DLC1: variants seen among roughly 807,000 people sequenced by gnomAD.
The protein encoded by DLC1 is DLC1 Rho GTPase activating protein.
Under a neutral mutation model 140.3 loss-of-function variants are expected in DLC1, and 54 were observed. The ratio of observed to expected loss-of-function variants is 0.38; its 90% CI spans 0.31 to 0.48. The LOEUF (loss-of-function observed/expected upper bound fraction) is 0.48, where lower values mean the gene tolerates loss of function less well. Ranked by LOEUF, DLC1 falls within the 20% of genes least tolerant of loss-of-function variation. The pLI, the probability that DLC1 is intolerant of heterozygous loss-of-function variation, is 0.96. For missense variants in DLC1, 2,536 were observed against 1,907.0 expected, an observed-to-expected ratio of 1.33 and a Z score of -6.14; for synonymous variants, 986 against 728.1, an observed-to-expected ratio of 1.35 and a Z score of -5.70.
chr8:13,537,431 G>T (rs146131191), intron 1 of DLC1, among the ~76,000 whole-genome samples: 15 of 152,218 alleles, frequency 9.9e-5, no homozygotes, highest in African/African-American at 3.6e-4. Context: ...TGTCTGAAAT[G>T]CAGCTGAGAA....
chr8:13,257,715 AAAG>A (rs1475919189), intron 5 of DLC1, among the ~76,000 whole-genome samples: 1 of 80,230 alleles, frequency 1.2e-5, no homozygotes, highest in Admixed American at 1.2e-4. Context: ...CAACTACGGA[AAAG>A]AAGAAAAAAA....
intron 5 of DLC1, among the ~76,000 whole-genome samples, chr8:13,177,758 G>C (rs1054134553): frequency 1.3e-5 from 2 of 152,074 alleles, no homozygotes; most frequent in African/African-American, 2.4e-5. Context: ...TTGGTTCTTG[G>C]ACAGAGAATC....
chr8:13,172,385 G>T (rs566714366), intron 5 of DLC1, among the ~76,000 whole-genome samples: 1 of 152,278 alleles, frequency 6.6e-6, no homozygotes, highest in South Asian at 2.1e-4. Flanking sequence ...TAGTGCTGGG[G>T]ATTTTACACT....
chr8:13,345,720 G>C (rs1293076404), intron 4 of DLC1, among the ~76,000 whole-genome samples: 2 of 151,588 alleles, frequency 1.3e-5, no homozygotes, highest in Non-Finnish European at 2.9e-5. Flanking sequence ...ACCACGCCTG[G>C]CTCATTTTTT....
chr8:13,602,745 A>C (rs1805930993), intron 1 of DLC1, among the ~76,000 whole-genome samples: 1 of 151,890 alleles, frequency 6.6e-6, no homozygotes, highest in African/African-American at 2.4e-5. Flanking sequence ...AAAATAAAAC[A>C]ACATAATTTT....
At chr8:13,145,376 T>A (rs1444584850) in intron 5 of DLC1, among the ~76,000 whole-genome samples, 1 of 152,218 alleles carries the variant, frequency 6.6e-6, no homozygotes, top group Non-Finnish European at 1.5e-5. Context: ...AAACGTATAC[T>A]AAGTTTATAC....
chr8:13,369,242 C>T (rs189919626), intron 4 of DLC1, among the ~76,000 whole-genome samples: 5 of 151,590 alleles, frequency 3.3e-5, no homozygotes, highest in African/African-American at 1.2e-4. Context: ...TCCTGTCATG[C>T]CATAGAGTGG....
chr8:13,172,970 G>T (rs186418609), intron 5 of DLC1, among the ~76,000 whole-genome samples: 501 of 152,226 alleles, frequency 3.3e-3, no homozygotes, highest in African/African-American at 0.011. Context: ...AAGTCATTAG[G>T]GTGTATAAAA....
intron 4 of DLC1, among the ~76,000 whole-genome samples, chr8:13,353,838 C>T (rs567404251): frequency 6.9e-6 from 1 of 145,314 alleles, no homozygotes; most frequent in Non-Finnish European, 1.5e-5. Flanking sequence ...GCCTGGGGGA[C>T]AAGAGTGAGA....
At chr8:13,197,017 T>G (rs1221531439) in intron 5 of DLC1, among the ~76,000 whole-genome samples, 1 of 152,240 alleles carries the variant, frequency 6.6e-6, no homozygotes, top group Admixed American at 6.5e-5. Context: ...ATGATATGTA[T>G]CCAGTAGTTG....
At chr8:13,424,032 C>G (rs1330899661) in intron 2 of DLC1, among the ~76,000 whole-genome samples, 2 of 152,086 alleles carry the variant, frequency 1.3e-5, no homozygotes, top group Non-Finnish European at 2.9e-5. Context: ...TTAAACAATC[C>G]TAAGAAATGT....
At chr8:13,328,320 G>T (rs1013229076) in intron 4 of DLC1, among the ~76,000 whole-genome samples, 1 of 152,154 alleles carries the variant, frequency 6.6e-6, no homozygotes, top group South Asian at 2.1e-4. Flanking sequence ...TGGGCTGCTA[G>T]TGATGAATAT....
intron 2 of DLC1, among the ~76,000 whole-genome samples, chr8:13,494,407 C>T (rs1473608648): frequency 6.6e-6 from 1 of 152,126 alleles, no homozygotes; most frequent in Non-Finnish European, 1.5e-5. Context: ...TGCAGTGAAG[C>T]CGACGACCTG....
intron 5 of DLC1, among the ~76,000 whole-genome samples, chr8:13,300,197 C>A (rs2117499244): frequency 6.6e-6 from 1 of 152,236 alleles, no homozygotes; most frequent in Middle Eastern, 3.4e-3. Flanking sequence ...AAACCAAACC[C>A]CTCATATTCT....
At chr8:13,582,789 A>G (rs1805154128) in intron 1 of DLC1, among the ~76,000 whole-genome samples, 1 of 149,296 alleles carries the variant, frequency 6.7e-6, no homozygotes, top group South Asian at 2.1e-4. Context: ...ATAATACTTC[A>G]GTAATGCTAA....
At chr8:13,591,020 A>G (rs1198501161) in intron 1 of DLC1, among the ~76,000 whole-genome samples, 1 of 152,126 alleles carries the variant, frequency 6.6e-6, no homozygotes, top group African/African-American at 2.4e-5. Flanking sequence ...CTTTCAATTG[A>G]CATTGAACAT....
intron 5 of DLC1, among the ~76,000 whole-genome samples, chr8:13,215,221 A>G (rs1052418836): frequency 3.3e-5 from 5 of 152,220 alleles, no homozygotes; most frequent in Admixed American, 6.5e-5. Context: ...CAAAAAAATA[A>G]TTTTAACAAA....
At chr8:13,096,463 A>C (rs911388617) in intron 10 of DLC1, among the ~76,000 whole-genome samples, 1 of 152,178 alleles carries the variant, frequency 6.6e-6, no homozygotes, top group African/African-American at 2.4e-5. Flanking sequence ...GAGCAAAGTT[A>C]AGTTTGTATT....
intron 2 of DLC1, among the ~76,000 whole-genome samples, chr8:13,452,556 GA>G (rs1158873776): frequency 3.7e-4 from 57 of 152,188 alleles, no homozygotes; most frequent in Admixed American, 3.7e-3. Flanking sequence ...ACTATCAGAA[GA>G]AAATAGAGTG....
Sources: gnomAD v4.1 joint callset for allele counts (sites outside exome capture counted in the v4.1 genomes callset) on GRCh38, gnomAD v4.1.1 for gene constraint, MANE v1.5 for transcripts, NCBI Gene and HGNC (gene_info 2026-07-23, HGNC 2026-07-21) for gene names.